The following UBQLN1 variants were observed in gnomAD, a reference collection of about 807,000 sequenced individuals.
UBQLN1 encodes ubiquilin-1.
Under a neutral mutation model 65.4 loss-of-function variants are expected in UBQLN1, and 13 were observed. The observed-to-expected ratio is 0.20, with a 90% CI of 0.13 to 0.32. UBQLN1 has a LOEUF of 0.32. Among genes scored for constraint, UBQLN1 ranks in the 10% least tolerant of loss-of-function variants. The probability of loss-of-function intolerance (pLI) is 1.00; values close to 1 mark genes in which losing one functional copy is unlikely to be tolerated. For synonymous variants in UBQLN1, 267 were observed against 247.8 expected, an observed-to-expected ratio of 1.08 and a Z score of -0.73; for missense variants, 561 against 724.0, an observed-to-expected ratio of 0.77 and a Z score of 2.58.
At chr9:83,683,542 A>G (rs1471642715) in intron 2 of UBQLN1, among the ~76,000 whole-genome samples, 1 of 152,148 alleles carries the variant, frequency 6.6e-6, no homozygotes, top group Admixed American at 6.5e-5. Context: ...GGAACAAAAA[A>G]TACAAAATAA....
chr9:83,663,709 T>C (rs1195683032), intron 10 of UBQLN1, among the ~76,000 whole-genome samples, 166 bp downstream of exon 10: 1 of 152,260 alleles, frequency 6.6e-6, no homozygotes, highest in Non-Finnish European at 1.5e-5. Context: ...TCAACAATTT[T>C]TGTAATGCCT....
intron 1 of UBQLN1, among the ~76,000 whole-genome samples, chr9:83,706,602 G>A (rs1332029718): frequency 6.6e-6 from 1 of 152,200 alleles, no homozygotes; most frequent in Non-Finnish European, 1.5e-5. Context: ...GATTAAGTCA[G>A]TAATTATGGA....
chr9:83,693,275 CATGAGTGG>C (rs1832157701), intron 1 of UBQLN1, among the ~76,000 whole-genome samples: 1 of 152,204 alleles, frequency 6.6e-6, no homozygotes, highest in Admixed American at 6.5e-5. Context: ...AGGTGTTGCA[CATGAGTGG>C]ATTCTCCAGC....
intron 8 of UBQLN1, 31 bp downstream of exon 8, chr9:83,666,319 C>T (rs1470975913): frequency 3.7e-6 from 6 of 1,603,274 alleles, no homozygotes; most frequent in Admixed American, 1.7e-5. Flanking sequence ...CAAATCATTA[C>T]CCAAGATAGC....
Position 83,669,105 on chromosome 9 carries a change from A to G in UBQLN1, c.1248+80T>C, listed in dbSNP as rs531186335. 27 of 1,513,576 alleles carry G rather than the reference A, an allele frequency of 1.8e-5. No individual in the cohort carries two copies. The East Asian group carries it at 4.2e-4, about 24-fold the overall frequency. The allele number at this position is 1,513,576 out of a possible 1,614,324, so 93.8% of individuals were successfully genotyped here. A position where few individuals can be genotyped will look rare whatever the true frequency, so the allele number is the denominator to read the frequency against. ...TATTAAGATATCATACACAACACAA[A>G]TGTGCCAAAATCACAATTACAAGAT... On this transcript the variant is annotated intron_variant, in intron 7 of 10. Coordinates refer to ENST00000376395, the MANE Select transcript of UBQLN1 (RefSeq NM_013438.5).
intron 1 of UBQLN1, among the ~76,000 whole-genome samples, chr9:83,702,793 CAT>C (rs72454301): frequency 0.016 from 2,509 of 152,176 alleles, 81 homozygotes; most frequent in African/African-American, 0.056. Flanking sequence ...AACGTTAAAT[CAT>C]GTGTGTGATG....
chr9:83,689,938 C>T (rs1832098825), intron 1 of UBQLN1, among the ~76,000 whole-genome samples: 1 of 152,106 alleles, frequency 6.6e-6, no homozygotes, highest in African/African-American at 2.4e-5. Context: ...TAAATTAAAA[C>T]CAGTAACAAA....
intron 1 of UBQLN1, 21 bp from the exon 2 acceptor site, chr9:83,686,176 T>G: frequency 1.4e-6 from 2 of 1,480,826 alleles, no homozygotes; most frequent in Non-Finnish European, 9.1e-7. Flanking sequence ...ATAAAATAAG[T>G]ATGTATTACA....
At chr9:83,674,775 T>C (rs1245446896) in intron 6 of UBQLN1, among the ~76,000 whole-genome samples, 1 of 152,192 alleles carries the variant, frequency 6.6e-6, no homozygotes, top group Non-Finnish European at 1.5e-5. Flanking sequence ...GAGTCAATGG[T>C]AAGTCTGAAG....
chr9:83,662,923 A>C (rs1236292566), intron 10 of UBQLN1, among the ~76,000 whole-genome samples: 1 of 152,100 alleles, frequency 6.6e-6, no homozygotes, highest in Non-Finnish European at 1.5e-5. Context: ...AAAAAATACA[A>C]AAATTAGCCA....
chr9:83,700,212 G>C (rs898922969), intron 1 of UBQLN1, among the ~76,000 whole-genome samples: 1 of 152,088 alleles, frequency 6.6e-6, no homozygotes, highest in East Asian at 1.9e-4. Flanking sequence ...GGTGGTTCTA[G>C]AAGAGTAATG....
chr9:83,707,379 G>T, intron 1 of UBQLN1, 121 bp downstream of exon 1: 1 of 1,125,346 alleles, frequency 8.9e-7, no homozygotes, highest in Non-Finnish European at 1.2e-6. Flanking sequence ...AATTTGGGAC[G>T]ACGCCCGGGA....
intron 6 of UBQLN1, among the ~76,000 whole-genome samples, chr9:83,674,797 T>C (rs772784590): frequency 1.4e-4 from 22 of 152,082 alleles, no homozygotes; most frequent in Non-Finnish European, 2.6e-4. Context: ...GACCGGAAAA[T>C]TACCCTCTAT....
chr9:83,685,067 TACC>T (rs1832017437), intron 2 of UBQLN1, among the ~76,000 whole-genome samples: 2 of 152,178 alleles, frequency 1.3e-5, no homozygotes, highest in African/African-American at 4.8e-5. Context: ...CGGGCTTAAT[TACC>T]ACATTAAGTG....
In UBQLN1 at chr9:83,680,019, G is replaced by A. The variant is rs866582936; in HGVS notation, c.467C>T (p.Ala156Val). ...PFGLGGLGGL[A>V]GLSSLGLNTT... The stretch of plus-strand genomic sequence containing the variant: ...ATTCAAACCCAAGCTACTCAGACCT[G>A]CAAGTCCCCCAAGGCCACCTAAGAG... The change falls in exon 4 of 11, where the codon GCA (alanine) becomes GTA (valine). Residue 156 changes from alanine to valine, a missense_variant. Physicochemically the swap from Ala to Val is moderately conservative, Grantham distance 64 (BLOSUM62 0). Around this residue, in one of 8 missense-constraint regions of UBQLN1, gnomAD observed 87 missense variants for 88.8 expected, o/e 0.98. Transcript: ENST00000376395. 6.2e-7 allele frequency: 1 copy of A among 1,612,774 alleles called. No individual in the cohort carries two copies. Among genetic ancestry groups the A allele is most frequent in the Non-Finnish European group, 8.5e-7 (1 of 1,178,948 alleles).
chr9:83,695,202 T>C (rs1469083781), intron 1 of UBQLN1, among the ~76,000 whole-genome samples: 11 of 20,880 alleles, frequency 5.3e-4, no homozygotes, highest in Middle Eastern at 0.025. Context: ...CCCTCCCACC[T>C]TTTTTTTTTT....
At position 83,707,829 on chromosome 9, in the gene UBQLN1, G is replaced by C; in HGVS notation, c.-150C>G. The C allele has an allele frequency of 8.1e-7, 1 of 1,236,350 alleles. No homozygotes were observed. Among genetic ancestry groups the C allele is most frequent in the Non-Finnish European group, 1.1e-6 (1 of 938,644 alleles). The allele number at this position is 1,236,350 out of a possible 1,614,324, so 76.6% of individuals were successfully genotyped here. On this transcript the variant is annotated 5_prime_UTR_variant, in exon 1 of 11. Transcript: ENST00000376395. Reference sequence around the variant, plus strand: ...TAGCAACGGGCGCAGGGCCACCGTAGCGGGTGTGGGGCCCCGGAGCTCGGT... The same window carrying C: ...TAGCAACGGGCGCAGGGCCACCGTACCGGGTGTGGGGCCCCGGAGCTCGGT...
chr9:83,667,775 A>G lies in UBQLN1; in HGVS notation c.1249-1342T>C, dbSNP rs938084412. On this transcript the variant is annotated intron_variant, in intron 7 of 10. Transcript: ENST00000376395. Reference sequence around the variant, plus strand: ...GAGTGCTTATACCACAAGTTTTTACACTCAAGAGTCTTTTTAAATATTTAA... The same window carrying G: ...GAGTGCTTATACCACAAGTTTTTACGCTCAAGAGTCTTTTTAAATATTTAA... 5 of 973,992 alleles carry G rather than the reference A, an allele frequency of 5.1e-6. No individual in the cohort carries two copies. In the African/African-American group the frequency reaches 8.8e-5, roughly 17 times the overall value. The allele number at this position is 973,992 out of a possible 1,614,324, so 60.3% of individuals were successfully genotyped here.
intron 1 of UBQLN1, among the ~76,000 whole-genome samples, chr9:83,687,976 G>T (rs897304570): frequency 2.1e-4 from 32 of 152,022 alleles, no homozygotes; most frequent in Admixed American, 4.6e-4. Context: ...CAATTTCCAA[G>T]TAACTAACAG....
Sources: gnomAD v4.1 joint callset for allele counts (sites outside exome capture counted in the v4.1 genomes callset) on GRCh38, gnomAD v4.1.1 for gene constraint, gnomAD v4.1.1 regional missense constraint, MANE v1.5 for transcripts, NCBI Gene and HGNC (gene_info 2026-07-23, HGNC 2026-07-21) for gene names.